Variants in ASAP1 observed in about 807,000 individuals in gnomAD.
ASAP1 encodes arf-GAP with SH3 domain, ANK repeat and PH domain-containing protein 1.
Under a neutral mutation model 145.2 loss-of-function variants are expected in ASAP1, and 43 were observed. The observed-to-expected ratio is 0.30, with a 90% CI of 0.23 to 0.38. The LOEUF is 0.38. ASAP1 is among the 10% of genes least tolerant of loss of function. ASAP1 has a pLI of 1.00. For missense variants in ASAP1, 1,018 were observed against 1,355.3 expected, an observed-to-expected ratio of 0.75 and a Z score of 3.91; for synonymous variants, 546 against 515.5, an observed-to-expected ratio of 1.06 and a Z score of -0.80.
intron 3 of ASAP1, among the ~76,000 whole-genome samples, chr8:130,326,261 A>G (rs1824322775): frequency 6.6e-6 from 1 of 152,198 alleles, no homozygotes; most frequent in African/African-American, 2.4e-5. Flanking sequence ...TCACGTACAA[A>G]AGAACAGGAG....
chr8:130,128,121 CTT>C (rs1349425266), intron 15 of ASAP1, 31 bp from the exon 16 acceptor site: 4 of 574,694 alleles, frequency 7.0e-6, no homozygotes, highest in Non-Finnish European at 9.7e-6. Context: ...GGAAAAAAGT[CTT>C]TATAAGAGCA....
In ASAP1 at chr8:130,412,241, T is replaced by C. The variant is rs571052662; in HGVS notation, c.-27-10271A>G. 1.1e-4 allele frequency among the ~76,000 whole-genome samples: 17 copies of C among 152,314 alleles called. No homozygotes were observed. In the South Asian group the frequency reaches 3.3e-3, roughly 30 times the overall value. On this transcript the variant is annotated intron_variant, in intron 1 of 29. Coordinates refer to ENST00000518721, the MANE Select transcript of ASAP1 (RefSeq NM_018482.4). ...CCAGTGCAAATTTCATACTGAATTA[T>C]AATCCCCAGTATTGGAGGTGGGGCC...
At position 130,054,724 on chromosome 8, in the gene ASAP1, C is replaced by T. The variant is rs116732836; in HGVS notation, c.*7G>A. ...GGATGTGGACAATCTTAAGGTTCTG[C>T]GTTTTGCTAGTCAGACAGGATATGA... On this transcript the variant is annotated 3_prime_UTR_variant, in exon 30 of 30. Coordinates refer to ENST00000518721, the MANE Select transcript of ASAP1 (RefSeq NM_018482.4). The T allele has an allele frequency of 1.5e-3, 2,494 of 1,611,990 alleles. 46 individuals carry two copies. In the African/African-American group the frequency reaches 0.03, roughly 20 times the overall value.
At chr8:130,128,759 C>T (rs758005491) in intron 15 of ASAP1, among the ~76,000 whole-genome samples, 38 of 152,120 alleles carry the variant, frequency 2.5e-4, no homozygotes, top group Non-Finnish European at 4.9e-4. Context: ...AACCCAACAA[C>T]AGAGAGTTGA....
chr8:130,197,254 C>T (rs1815560765), intron 5 of ASAP1, among the ~76,000 whole-genome samples: 1 of 152,222 alleles, frequency 6.6e-6, no homozygotes, highest in South Asian at 2.1e-4. Context: ...ATGGTGAAAC[C>T]CTCATCTCTA....
intron 1 of ASAP1, among the ~76,000 whole-genome samples, chr8:130,435,548 C>A (rs1830283905): frequency 6.6e-6 from 1 of 152,152 alleles, no homozygotes; most frequent in South Asian, 2.1e-4. Context: ...GATTTCAGTT[C>A]TTTCTCCAAA....
At chr8:130,302,782 T>C (rs921899541) in intron 3 of ASAP1, among the ~76,000 whole-genome samples, 8 of 152,172 alleles carry the variant, frequency 5.3e-5, no homozygotes, top group Admixed American at 3.3e-4. Context: ...AGAGGACATG[T>C]ACCAATGTAC....
intron 5 of ASAP1, among the ~76,000 whole-genome samples, chr8:130,203,504 G>A (rs1378274960): frequency 6.6e-6 from 1 of 152,226 alleles, no homozygotes; most frequent in Non-Finnish European, 1.5e-5. Context: ...CTTGTCTGAG[G>A]GCCATGGTAT....
chr8:130,169,841 G>A (rs542274149), intron 9 of ASAP1, among the ~76,000 whole-genome samples: 3 of 152,216 alleles, frequency 2.0e-5, no homozygotes, highest in African/African-American at 7.2e-5. Context: ...AAGCAGCAGA[G>A]CTGGTGGAAT....
At chr8:130,080,138 G>A (rs771698608) in intron 25 of ASAP1, among the ~76,000 whole-genome samples, 167 bp from the exon 26 acceptor site, 2 of 152,156 alleles carry the variant, frequency 1.3e-5, no homozygotes, top group African/African-American at 4.8e-5. Context: ...ACAAAACTGA[G>A]CACTGTTTTG....
chr8:130,110,568 C>T (rs537954205), intron 24 of ASAP1, among the ~76,000 whole-genome samples: 77 of 152,296 alleles, frequency 5.1e-4, no homozygotes, highest in African/African-American at 1.7e-3. Context: ...TAAAAACATA[C>T]ATTTTAGTAC....
intron 11 of ASAP1, among the ~76,000 whole-genome samples, chr8:130,161,443 T>C (rs1480949998): frequency 1.3e-5 from 2 of 152,188 alleles, no homozygotes; most frequent in Admixed American, 1.3e-4. Context: ...AGATTCCGTG[T>C]TCAAAAGCAT....
At chr8:130,392,432 C>A (rs559836633) in intron 2 of ASAP1, among the ~76,000 whole-genome samples, 11 of 152,200 alleles carry the variant, frequency 7.2e-5, no homozygotes, top group East Asian at 1.9e-4. Flanking sequence ...ATGGTTTAGA[C>A]CACATGATAA....
rs752986024 is a variant in ASAP1, at chr8:130,128,080, C to T, written c.1228G>A (p.Val410Ile). 6.5e-7 allele frequency: 1 copy of T among 1,547,156 alleles called. No individual in the cohort carries two copies. The highest frequency in any genetic ancestry group is 8.7e-7 in the Non-Finnish European group (1 of 1,147,100). The change falls in exon 16 of 30, where the codon GTA (valine) becomes ATA (isoleucine). Residue 410 changes from valine (V) to isoleucine (I), a missense_variant. Transcript: ENST00000518721. Reference sequence around the variant, plus strand: ...GCCTCTTCTTTGCTATTTGTCAATACTGATATCCATCTGTTGGTAAAAACA... The same window carrying T: ...GCCTCTTCTTTGCTATTTGTCAATATTGATATCCATCTGTTGGTAAAAACA... ...DEQDYVAWIS[V>I]LTNSKEEALT...
At chr8:130,344,553 T>G (rs549986293) in intron 3 of ASAP1, among the ~76,000 whole-genome samples, 105 of 152,314 alleles carry the variant, frequency 6.9e-4, no homozygotes, top group Non-Finnish European at 1.3e-3. Context: ...GCTCTGCTAT[T>G]GCATGTGCAA....
chr8:130,284,480 T>A (rs1821471881), intron 3 of ASAP1, among the ~76,000 whole-genome samples: 1 of 151,816 alleles, frequency 6.6e-6, no homozygotes, highest in Admixed American at 6.6e-5. Context: ...CCCATGAAAA[T>A]TTTTAAGCAG....
chr8:130,401,128 C>T (rs1460146287), intron 2 of ASAP1, among the ~76,000 whole-genome samples: 5 of 152,102 alleles, frequency 3.3e-5, no homozygotes, highest in Admixed American at 6.5e-5. Context: ...GTGATTCTCC[C>T]GCCTCGGCCT....
chr8:130,063,026 T>C (rs78438157), intron 27 of ASAP1, among the ~76,000 whole-genome samples: 4,157 of 152,216 alleles, frequency 0.027, 70 homozygotes, highest in African/African-American at 0.044. Flanking sequence ...TACTGTTGTA[T>C]AATTAATAGC....
chr8:130,177,451 GA>G (rs1814041835), intron 9 of ASAP1, among the ~76,000 whole-genome samples: 1 of 152,080 alleles, frequency 6.6e-6, no homozygotes, highest in South Asian at 2.1e-4. Flanking sequence ...ACTTTCAAAG[GA>G]ATTAAATGTT....
Sources: allele counts gnomAD v4.1 joint callset (sites outside exome capture counted in the v4.1 genomes callset), GRCh38; gene constraint gnomAD v4.1.1; transcripts MANE v1.5; gene names NCBI Gene and HGNC (gene_info 2026-07-23, HGNC 2026-07-21).